SYT6: variants seen among roughly 807,000 people sequenced by gnomAD.
SYT6 encodes the protein synaptotagmin-6.
In SYT6, 24 loss-of-function variants were observed where a neutral mutation model predicts 38.4. The observed-to-expected ratio is 0.62, with a 90% confidence interval of 0.45 to 0.88. The LOEUF is 0.88. SYT6 is among the 40% of genes least tolerant of loss of function. The pLI, the probability that SYT6 is intolerant of heterozygous loss-of-function variation, is 0.00. For missense variants in SYT6, 611 were observed against 621.0 expected (o/e 0.98, Z 0.17); for synonymous variants, 265 against 241.9 (o/e 1.10, Z -0.89).
intron 3 of SYT6, among the ~76,000 whole-genome samples, chr1:114,135,211 C>T (rs1299253720): frequency 6.6e-6 from 1 of 152,090 alleles, no homozygotes; most frequent in East Asian, 1.9e-4. Flanking sequence ...GGAATGCTCC[C>T]CCTTCCTCTT....
chr1:114,153,728 C>T lies in SYT6; in HGVS notation c.45G>A (p.Ala15=), dbSNP rs778307404. 12 of 682,104 alleles carry T rather than the reference C, an allele frequency of 1.8e-5. No individual in the cohort carries two copies. The South Asian group carries it at 1.8e-4, about 10-fold the overall frequency. The allele number at this position is 682,104 out of a possible 1,614,324, so 42.3% of individuals were successfully genotyped here. ...WGAGGPRCQE[A]LAVLASLCRA... Reference sequence around the variant, plus strand: ...GGCACAGCGAGGCGAGGACCGCGAGCGCCTCCTGGCACCGAGGCCCGCCGG... The same window carrying T: ...GGCACAGCGAGGCGAGGACCGCGAGTGCCTCCTGGCACCGAGGCCCGCCGG... Residue 15 remains alanine (A), a synonymous_variant, in exon 1 of 8, where the codon GCG becomes GCA. Transcript: ENST00000610222.
Position 114,119,654 on chromosome 1 carries a change from C to T in SYT6, c.1072-15933G>A, listed in dbSNP as rs1226273436. Among the ~76,000 whole-genome samples, 4 of 152,334 alleles carry T rather than the reference C, an allele frequency of 2.6e-5. No homozygotes were observed. In the East Asian group the frequency reaches 7.7e-4, roughly 29 times the overall value. On this transcript the variant is annotated intron_variant, in intron 3 of 7. Coordinates refer to ENST00000610222, the MANE Select transcript of SYT6 (RefSeq NM_001253772.2). ...AGACCCCAGGGTCTACCTCAGCCAC[C>T]ATGCCAAGCCAGCTTGGTTTTCTGA...
At chr1:114,099,036 G>A (rs780880866) in intron 5 of SYT6, 58 bp downstream of exon 5, 85 of 1,534,286 alleles carry the variant, frequency 5.5e-5, no homozygotes, top group Non-Finnish European at 7.3e-5. Flanking sequence ...GGAGCCCTGT[G>A]CTGGTGCTGG....
Position 114,148,053 on chromosome 1 carries a change from G to C in SYT6, c.163+5557C>G, listed in dbSNP as rs556481046. 3.3e-5 allele frequency among the ~76,000 whole-genome samples: 5 copies of C among 152,306 alleles called. No individual in the cohort carries two copies. The East Asian group carries it at 9.7e-4, about 29-fold the overall frequency. ...TTGAGATCCCCTTCAAGGCCATCAG[G>C]ATAGGATCTGCTTGTCACCTTAAAT... On this transcript the variant is annotated intron_variant, in intron 1 of 7. Transcript: ENST00000610222.
intron 1 of SYT6, among the ~76,000 whole-genome samples, chr1:114,148,117 C>T (rs756158780): frequency 6.6e-6 from 1 of 152,166 alleles, no homozygotes; most frequent in Non-Finnish European, 1.5e-5. Context: ...TGGTCTCCCT[C>T]CTCTTCCAGA....
chr1:114,153,647 C>A lies in SYT6; in HGVS notation c.126G>T (p.Leu42=). ...LDVETCRSFE[L]QPPERSPSAA... is the part of the protein sequence containing the mutation. ...CGCTGGGACTCCGCTCTGGGGGCTG[C>A]AGCTCGAAGCTCCGACAAGTCTCCA... is the stretch of plus-strand genomic sequence containing the variant. Residue 42 remains leucine (L), a synonymous_variant, in exon 1 of 8, where the codon CTG becomes CTT. Coordinates refer to ENST00000610222, the MANE Select transcript of SYT6 (RefSeq NM_001253772.2). 1.5e-6 allele frequency: 1 copy of A among 651,062 alleles called. No homozygotes were observed. Among genetic ancestry groups the A allele is most frequent in the Non-Finnish European group, 2.8e-6 (1 of 358,086 alleles). 40.3% of individuals were successfully genotyped at this position (651,062 alleles called of 1,614,324 possible).
chr1:114,132,762 G>A (rs905256785), intron 3 of SYT6, among the ~76,000 whole-genome samples: 3 of 152,148 alleles, frequency 2.0e-5, no homozygotes, highest in Admixed American at 6.5e-5. Context: ...AGAGGAATAG[G>A]GCTCAGCAAG....
chr1:114,144,466 A>G (rs1679052705), intron 1 of SYT6, among the ~76,000 whole-genome samples: 1 of 152,126 alleles, frequency 6.6e-6, no homozygotes, highest in Non-Finnish European at 1.5e-5. Context: ...TCCACCACCC[A>G]GGCTGGCACT....
intron 7 of SYT6, among the ~76,000 whole-genome samples, chr1:114,092,338 C>CTCTGTG (rs991723002): frequency 5.6e-4 from 72 of 128,568 alleles, no homozygotes; most frequent in African/African-American, 1.6e-3. Context: ...CTCTCTCTCT[C>CTCTGTG]TGTGTGTGTG....
chr1:114,137,649 T>TC lies in SYT6; in HGVS notation c.916dup (p.Glu306GlyfsTer4), dbSNP rs1242005671. On this transcript the variant is annotated frameshift_variant, in exon 3 of 8. Transcript: ENST00000610222. LOFTEE classifies it high-confidence loss of function. The stretch of plus-strand genomic sequence containing the variant: ...GAGATGCAGCTTGCGGTCAGCCAGC[T>TC]CCTCATAGGGCACAGGGAAGTGGAA... 1 of 1,614,134 alleles carries TC rather than the reference T, an allele frequency of 6.2e-7. No individual in the cohort carries two copies. Among genetic ancestry groups the TC allele is most frequent in the Non-Finnish European group, 8.5e-7 (1 of 1,180,030 alleles).
intron 6 of SYT6, among the ~76,000 whole-genome samples, chr1:114,094,376 A>G (rs887490471): frequency 6.6e-6 from 1 of 152,144 alleles, no homozygotes; most frequent in African/African-American, 2.4e-5. Context: ...TCCAACAGAG[A>G]TTTAACATCT....
At position 114,137,613 on chromosome 1, in the gene SYT6, T is replaced by C; in HGVS notation, c.953A>G (p.Asp318Gly). ...ADRKLHLSVFDFDRFSRHDMI... is the reference protein window; with the variant it reads ...ADRKLHLSVFGFDRFSRHDMI... ...GTCATGGCGGGAGAAGCGGTCAAAG[T>C]CGAAGACACTGAGATGCAGCTTGCG... Residue 318 changes from aspartate to glycine, a missense_variant, in exon 3 of 8, where the codon GAC becomes GGC. By Grantham distance (94) the Asp-to-Gly change is moderately conservative. Coordinates refer to ENST00000610222, the MANE Select transcript of SYT6 (RefSeq NM_001253772.2). 6.2e-7 allele frequency: 1 copy of C among 1,614,088 alleles called. No individual in the cohort carries two copies. The highest frequency in any genetic ancestry group is 8.5e-7 in the Non-Finnish European group (1 of 1,180,010).
Position 114,139,889 on chromosome 1 carries a change from A to G in SYT6, c.238T>C (p.Phe80Leu). ...VALVAVFLFL[F>L]WKLCWMPWRN... Reference sequence around the variant, plus strand: ...CAGGGCATCCAGCACAGCTTCCAAAAGAGAAAGAGAAAAACTGCCACCAGG... The same window carrying G: ...CAGGGCATCCAGCACAGCTTCCAAAGGAGAAAGAGAAAAACTGCCACCAGG... Residue 80 changes from phenylalanine (F) to leucine (L), a missense_variant, in exon 2 of 8, where the codon TTT (phenylalanine) becomes CTT (leucine). Physicochemically the swap from Phe to Leu is conservative, Grantham distance 22 (BLOSUM62 0). Coordinates refer to ENST00000610222, the MANE Select transcript of SYT6 (RefSeq NM_001253772.2). The G allele has an allele frequency of 6.5e-7, 1 of 1,539,096 alleles. No individual in the cohort carries two copies.
rs368541580 is a variant in SYT6, at chr1:114,139,618, G to T, written c.509C>A (p.Thr170Asn). 6.2e-7 allele frequency: 1 copy of T among 1,614,096 alleles called. No individual in the cohort carries two copies. Among genetic ancestry groups the T allele is most frequent in the South Asian group, 1.1e-5 (1 of 91,062 alleles). Reference sequence around the variant, plus strand: ...AAGGGAGTGGTCCACTCCTCACCTGGTGGATGACGCTGGCTCTGTAGTTTG... The same window carrying T: ...AAGGGAGTGGTCCACTCCTCACCTGTTGGATGACGCTGGCTCTGTAGTTTG... ...QRQTTEPASS[T>N]RHTSFKRHLP... Residue 170 changes from threonine (T) to asparagine (N), a missense_variant, in exon 2 of 8, where the codon ACC (threonine) becomes AAC (asparagine). Coordinates refer to ENST00000610222, the MANE Select transcript of SYT6 (RefSeq NM_001253772.2).
intron 1 of SYT6, among the ~76,000 whole-genome samples, chr1:114,152,026 G>A (rs1313845277): frequency 6.6e-6 from 1 of 152,050 alleles, no homozygotes; most frequent in Non-Finnish European, 1.5e-5. Context: ...CCCTCACAGG[G>A]CTCAGGTGGG....
At position 114,137,608 on chromosome 1, in the gene SYT6, C is replaced by A; in HGVS notation, c.958G>T (p.Asp320Tyr). Reference protein sequence around the residue: ...RKLHLSVFDFDRFSRHDMIGE... With the variant: ...RKLHLSVFDFYRFSRHDMIGE... The stretch of plus-strand genomic sequence containing the variant: ...ATCATGTCATGGCGGGAGAAGCGGT[C>A]AAAGTCGAAGACACTGAGATGCAGC... The change falls in exon 3 of 8, where the codon GAC (aspartate) becomes TAC (tyrosine). Residue 320 changes from aspartate to tyrosine, a missense_variant. Transcript: ENST00000610222. 1 of 1,614,168 alleles carries A rather than the reference C, an allele frequency of 6.2e-7. No homozygotes were observed. Among genetic ancestry groups the A allele is most frequent in the South Asian group, 1.1e-5 (1 of 91,074 alleles).
chr1:114,145,977 C>T lies in SYT6; in HGVS notation c.164-6014G>A, dbSNP rs112126493. Among the ~76,000 whole-genome samples the T allele has an allele frequency of 4.8e-3, 730 of 152,256 alleles. 9 individuals carry two copies. Among genetic ancestry groups the T allele is most frequent in the African/African-American group, 0.017 (695 of 41,534 alleles). On this transcript the variant is annotated intron_variant, in intron 1 of 7. Transcript: ENST00000610222. The stretch of plus-strand genomic sequence containing the variant: ...CCATGTGACCCCCAGCTGCTGTTCC[C>T]TCAGAGCTGTGATTAGGGGAGGCAG...
At chr1:114,149,220 T>TGTGTGTGTGTGTGCGCGCGC (rs1679311389) in intron 1 of SYT6, among the ~76,000 whole-genome samples, 1 of 113,954 alleles carries the variant, frequency 8.8e-6, no homozygotes, top group Non-Finnish European at 1.8e-5. Context: ...AGAGAGATTG[T>TGTGTGTGTGTGTGCGCGCGC]GTGTGTGTGT....
At chr1:114,128,297 C>A (rs543767468) in intron 3 of SYT6, among the ~76,000 whole-genome samples, 1 of 152,302 alleles carries the variant, frequency 6.6e-6, no homozygotes, top group Admixed American at 6.5e-5. Flanking sequence ...GAATTTAAGG[C>A]AGAATACTAG....
Sources: gnomAD v4.1 joint callset for allele counts (sites outside exome capture counted in the v4.1 genomes callset) on GRCh38, gnomAD v4.1.1 for gene constraint, MANE v1.5 for transcripts, NCBI Gene and HGNC (gene_info 2026-07-23, HGNC 2026-07-21) for gene names.